The following WDPCP variants were observed in gnomAD, a reference collection of about 807,000 sequenced individuals.
WDPCP encodes the protein WD repeat containing planar cell polarity effector.
Under a neutral mutation model 93.1 loss-of-function variants are expected in WDPCP, and 71 were observed. That is an observed-to-expected ratio of 0.76 (90% CI 0.63 to 0.93). WDPCP has a LOEUF of 0.93. Among genes scored for constraint, WDPCP ranks in the 40% least tolerant of loss-of-function variants. WDPCP has a pLI of 0.00. For synonymous variants in WDPCP, 315 were observed against 315.0 expected, an observed-to-expected ratio of 1.00 and a Z score of 0.00; for missense variants, 844 against 887.4, an observed-to-expected ratio of 0.95 and a Z score of 0.62.
chr2:63,721,861 T>C (rs1669420129), intron 2 of WDPCP, among the ~76,000 whole-genome samples: 1 of 152,194 alleles, frequency 6.6e-6, no homozygotes, highest in South Asian at 2.1e-4. Flanking sequence ...TGACTCAGCC[T>C]GCCGAGTGCC....
chr2:63,694,347 T>C (rs1371577794), intron 2 of WDPCP, among the ~76,000 whole-genome samples: 2 of 152,174 alleles, frequency 1.3e-5, no homozygotes, highest in South Asian at 4.1e-4. Context: ...GGCGGGTTGT[T>C]GAGAGGTACC....
At chr2:63,580,261 T>C (rs560562492) in intron 1 of WDPCP, among the ~76,000 whole-genome samples, 31 of 152,290 alleles carry the variant, frequency 2.0e-4, no homozygotes, top group Admixed American at 7.2e-4. Flanking sequence ...TTTACAACCA[T>C]AGTAATAATT....
At position 63,604,980 on chromosome 2, in the gene WDPCP, A is replaced by T. The variant is rs1030656538; in HGVS notation, n.488+45679T>A. Reference sequence around the variant, plus strand: ...CAGGTCTTTCACAGTTGCTCTGATGACTGCATACTTTCGGGATCATAGTAA... The same window carrying T: ...CAGGTCTTTCACAGTTGCTCTGATGTCTGCATACTTTCGGGATCATAGTAA... On this transcript the variant is annotated intron_variant and non_coding_transcript_variant, in intron 3 of 4. Transcript: ENST00000467687. The T allele has an allele frequency of 1.5e-5, 16 of 1,089,842 alleles. No individual in the cohort carries two copies. In the African/African-American group the frequency reaches 1.9e-4, roughly 13 times the overall value. 67.5% of individuals were successfully genotyped at this position (1,089,842 alleles called of 1,614,324 possible).
At chr2:63,728,920 A>G (rs1669524262) in intron 2 of WDPCP, among the ~76,000 whole-genome samples, 1 of 152,220 alleles carries the variant, frequency 6.6e-6, no homozygotes, top group South Asian at 2.1e-4. Context: ...GACCAGCACT[A>G]AGAGTTACGT....
At chr2:63,262,180 A>T (rs1444195320) in intron 13 of WDPCP, among the ~76,000 whole-genome samples, 2 of 152,168 alleles carry the variant, frequency 1.3e-5, no homozygotes, top group Non-Finnish European at 2.9e-5. Context: ...GGCCTTATAA[A>T]ATGAGTTAGG....
intron 6 of WDPCP, chr2:63,442,012 T>C (rs1470446489): frequency 1.3e-5 from 2 of 152,122 alleles, no homozygotes; most frequent in South Asian, 4.1e-4. Flanking sequence ...AAGTACATAC[T>C]GGGTAGACTC....
At chr2:63,723,281 TA>T (rs1375836718) in intron 2 of WDPCP, among the ~76,000 whole-genome samples, 1 of 123,284 alleles carries the variant, frequency 8.1e-6, no homozygotes, top group African/African-American at 3.2e-5. Flanking sequence ...GAATTATCAA[TA>T]AAAAATTAAA....
At chr2:63,776,340 A>G (rs1170586010) in intron 2 of WDPCP, among the ~76,000 whole-genome samples, 1 of 151,812 alleles carries the variant, frequency 6.6e-6, no homozygotes, top group Non-Finnish European at 1.5e-5. Context: ...GAAAGATATG[A>G]ATTGCCATTT....
chr2:63,285,384 A>T (rs151159313), intron 13 of WDPCP, among the ~76,000 whole-genome samples: 2,371 of 150,598 alleles, frequency 0.016, 54 homozygotes, highest in African/African-American at 0.052. Flanking sequence ...CAGTGAGCTG[A>T]GATCGTGCCA....
chr2:63,298,803 G>A (rs1685085431), intron 13 of WDPCP, among the ~76,000 whole-genome samples: 1 of 152,192 alleles, frequency 6.6e-6, no homozygotes, highest in African/African-American at 2.4e-5. Context: ...TATCTGTTCA[G>A]TATTGTGTGG....
At chr2:63,185,597 G>T (rs1674571223) in intron 14 of WDPCP, among the ~76,000 whole-genome samples, 1 of 152,172 alleles carries the variant, frequency 6.6e-6, no homozygotes, top group Admixed American at 6.5e-5. Flanking sequence ...ATGACCTCCT[G>T]TGAAGCCAGG....
At chr2:63,278,161 C>CTTTA (rs1179979114) in intron 13 of WDPCP, among the ~76,000 whole-genome samples, 2 of 152,194 alleles carry the variant, frequency 1.3e-5, no homozygotes, top group African/African-American at 4.8e-5. Context: ...CCTGTATGAT[C>CTTTA]TTTAGGTTAA....
chr2:63,400,985 A>G (rs1694104234), intron 10 of WDPCP, among the ~76,000 whole-genome samples: 1 of 152,214 alleles, frequency 6.6e-6, no homozygotes. Flanking sequence ...ACCTTACACA[A>G]AAATTAACTC....
At chr2:63,313,918 T>C (rs1369376689) in intron 12 of WDPCP, among the ~76,000 whole-genome samples, 1 of 18,860 alleles carries the variant, frequency 5.3e-5, no homozygotes, top group Non-Finnish European at 8.4e-5. Flanking sequence ...AGTCTCGCTC[T>C]GTCACCAGGC....
intron 1 of WDPCP, among the ~76,000 whole-genome samples, chr2:63,583,071 A>G (rs1708597776): frequency 6.6e-6 from 1 of 152,256 alleles, no homozygotes; most frequent in Admixed American, 6.5e-5. Context: ...AGCAAAAATA[A>G]CGATGATGTT....
rs373913848 is a variant in WDPCP, at chr2:63,393,750, A to G, written c.1435+10298T>C. Among the ~76,000 whole-genome samples, 8 of 152,212 alleles carry G rather than the reference A, an allele frequency of 5.3e-5. No individual in the cohort carries two copies. The South Asian group carries it at 1.7e-3, about 32-fold the overall frequency. On this transcript the variant is annotated intron_variant, in intron 10 of 17. Coordinates refer to ENST00000272321, the MANE Select transcript of WDPCP (RefSeq NM_015910.7). ...GACACAGAGACCAATGAAACAGAAT[A>G]GAGAGCCCAGAAATAATGCTACACA...
At chr2:63,199,837 C>T (rs948884918) in intron 14 of WDPCP, among the ~76,000 whole-genome samples, 10 of 152,146 alleles carry the variant, frequency 6.6e-5, no homozygotes, top group African/African-American at 1.9e-4. Flanking sequence ...GGTAGATACA[C>T]GAATAACTTG....
At chr2:63,282,453 CGA>C (rs929082592) in intron 13 of WDPCP, among the ~76,000 whole-genome samples, 1 of 152,082 alleles carries the variant, frequency 6.6e-6, no homozygotes, top group African/African-American at 2.4e-5. Flanking sequence ...TGCAGTGAGC[CGA>C]GATCGCGCCA....
chr2:63,130,564 G>T (rs533531096), intron 17 of WDPCP, among the ~76,000 whole-genome samples: 1 of 151,932 alleles, frequency 6.6e-6, no homozygotes, highest in Non-Finnish European at 1.5e-5. Flanking sequence ...TTTATTGTTT[G>T]TTTTCAAGAT....
Sources: allele counts gnomAD v4.1 joint callset (sites outside exome capture counted in the v4.1 genomes callset), GRCh38; gene constraint gnomAD v4.1.1; transcripts MANE v1.5; gene names NCBI Gene and HGNC (gene_info 2026-07-23, HGNC 2026-07-21).